CAP2: variants seen among roughly 807,000 people sequenced by gnomAD.
The protein encoded by CAP2 is cyclase associated actin cytoskeleton regulatory protein 2.
Under a neutral mutation model 57.7 loss-of-function variants are expected in CAP2, and 24 were observed. The observed-to-expected ratio is 0.42, with a 90% CI of 0.30 to 0.58. CAP2 has a LOEUF of 0.58. CAP2 is among the 20% of genes least tolerant of loss of function. CAP2 has a pLI of 0.22. For synonymous variants in CAP2, 194 were observed against 207.2 expected, an observed-to-expected ratio of 0.94 and a Z score of 0.55; for missense variants, 501 against 590.3, an observed-to-expected ratio of 0.85 and a Z score of 1.57.
intron 3 of CAP2, among the ~76,000 whole-genome samples, chr6:17,447,987 G>A (rs1463201197): frequency 6.6e-6 from 1 of 152,176 alleles, no homozygotes; most frequent in Non-Finnish European, 1.5e-5. Flanking sequence ...TTATTAAGCA[G>A]TAATTACTGA....
At chr6:17,473,951 A>T (rs2113612511) in intron 4 of CAP2, among the ~76,000 whole-genome samples, 1 of 152,344 alleles carries the variant, frequency 6.6e-6, no homozygotes, top group East Asian at 1.9e-4. Context: ...AATAAATTTT[A>T]TATAATTGTC....
At chr6:17,495,262 G>A (rs776506367) in intron 4 of CAP2, among the ~76,000 whole-genome samples, 1 of 152,138 alleles carries the variant, frequency 6.6e-6, no homozygotes, top group Non-Finnish European at 1.5e-5. Context: ...CCCAGCACCT[G>A]GACCAGCTCT....
intron 4 of CAP2, among the ~76,000 whole-genome samples, chr6:17,467,612 C>G (rs1353500988): frequency 6.6e-6 from 1 of 152,140 alleles, no homozygotes; most frequent in East Asian, 1.9e-4. Flanking sequence ...CAACTTCAGC[C>G]TCCTAGCTTC....
chr6:17,401,479 A>C (rs1322534671), intron 1 of CAP2, among the ~76,000 whole-genome samples: 5 of 152,244 alleles, frequency 3.3e-5, no homozygotes, highest in African/African-American at 1.2e-4. Flanking sequence ...TCAATATGAT[A>C]TAAGTGTGAT....
intron 3 of CAP2, among the ~76,000 whole-genome samples, chr6:17,444,804 C>CACACA (rs1760206563): frequency 2.2e-3 from 309 of 140,520 alleles, no homozygotes; most frequent in African/African-American, 3.8e-3. Flanking sequence ...TTCTCTCTCT[C>CACACA]CACACACACA....
At chr6:17,536,336 T>C in intron 7 of CAP2, 1 of 456,384 alleles carries the variant, frequency 2.2e-6, no homozygotes, top group Middle Eastern at 3.3e-4. Context: ...TCGAGTCCAC[T>C]GTACGGTAAA....
chr6:17,451,135 G>A (rs1581529793), intron 3 of CAP2, among the ~76,000 whole-genome samples: 2 of 152,028 alleles, frequency 1.3e-5, no homozygotes, highest in East Asian at 3.9e-4. Context: ...TTGTCTTGAG[G>A]AGCCCGAGAA....
At chr6:17,553,685 C>T (rs745941230) in intron 12 of CAP2, among the ~76,000 whole-genome samples, 6 of 151,226 alleles carry the variant, frequency 4.0e-5, no homozygotes, top group Admixed American at 2.6e-4. Context: ...TACCTTGTGG[C>T]CCTCTTCACA....
At chr6:17,490,126 A>AAT (rs1458060133) in intron 4 of CAP2, among the ~76,000 whole-genome samples, 1 of 152,170 alleles carries the variant, frequency 6.6e-6, no homozygotes, top group East Asian at 1.9e-4. Flanking sequence ...TAGTAATTTT[A>AAT]ATATATATCC....
chr6:17,526,727 G>A (rs1178232804), intron 7 of CAP2, among the ~76,000 whole-genome samples: 1 of 152,004 alleles, frequency 6.6e-6, no homozygotes, highest in Non-Finnish European at 1.5e-5. Flanking sequence ...GGAGGCTGAG[G>A]CAGGCAGATC....
chr6:17,539,533 C>A, intron 8 of CAP2, 75 bp downstream of exon 8: 1 of 1,127,686 alleles, frequency 8.9e-7, no homozygotes, highest in Non-Finnish European at 1.3e-6. Flanking sequence ...CCGCTGGAGC[C>A]CCAGTGATGG....
chr6:17,492,129 T>C (rs949650976), intron 4 of CAP2, among the ~76,000 whole-genome samples: 10 of 152,254 alleles, frequency 6.6e-5, no homozygotes, highest in Non-Finnish European at 1.5e-4. Context: ...AGTACCCATG[T>C]GCGATGCTGG....
intron 1 of CAP2, among the ~76,000 whole-genome samples, chr6:17,418,918 G>A (rs533714495): frequency 3.9e-5 from 6 of 152,080 alleles, no homozygotes; most frequent in Admixed American, 6.5e-5. Context: ...AAGCTCTGAC[G>A]TGAAGAGGAA....
chr6:17,529,197 C>T (rs1417878072), intron 7 of CAP2, among the ~76,000 whole-genome samples: 1 of 152,098 alleles, frequency 6.6e-6, no homozygotes, highest in African/African-American at 2.4e-5. Context: ...CTATAGTTGT[C>T]TTCTAATAAA....
chr6:17,443,692 A>G (rs1355947393), intron 3 of CAP2, among the ~76,000 whole-genome samples: 1 of 152,166 alleles, frequency 6.6e-6, no homozygotes, highest in Non-Finnish European at 1.5e-5. Context: ...GTATGGGCAC[A>G]CTGGCTGAAG....
chr6:17,439,000 A>G (rs1759990330), intron 3 of CAP2, among the ~76,000 whole-genome samples: 1 of 150,634 alleles, frequency 6.6e-6, no homozygotes, highest in Non-Finnish European at 1.5e-5. Context: ...AATCCCAGCT[A>G]CTTGGGAGGC....
chr6:17,495,598 A>G (rs1276937744), intron 4 of CAP2, among the ~76,000 whole-genome samples: 1 of 152,134 alleles, frequency 6.6e-6, no homozygotes, highest in Non-Finnish European at 1.5e-5. Context: ...CTTGGAGTCC[A>G]TGGGATTTAT....
intron 1 of CAP2, among the ~76,000 whole-genome samples, chr6:17,408,660 C>CTTTTTT (rs35571407): frequency 8.3e-6 from 1 of 120,454 alleles, no homozygotes; most frequent in African/African-American, 3.4e-5. Flanking sequence ...TGATAGCCTC[C>CTTTTTT]TTTTTTTTTT....
At position 17,426,543 on chromosome 6, in the gene CAP2, G is replaced by C. The variant is rs774269684; in HGVS notation, c.122-47G>C. 6 of 1,435,162 alleles carry C rather than the reference G, an allele frequency of 4.2e-6. No homozygotes were observed. The East Asian group carries it at 1.4e-4, about 33-fold the overall frequency. 88.9% of individuals were successfully genotyped at this position (1,435,162 alleles called of 1,614,324 possible). ...AGCCACCGTGCCCGGCTAGTCCCAGGTTTTCATTCAACGGCCAGGGAATAA... is the reference window on the plus strand; with the variant it reads ...AGCCACCGTGCCCGGCTAGTCCCAGCTTTTCATTCAACGGCCAGGGAATAA... On this transcript the variant is annotated intron_variant, in intron 2 of 12. Coordinates refer to ENST00000229922, the MANE Select transcript of CAP2 (RefSeq NM_006366.3).
Sources: gnomAD v4.1 joint callset for allele counts (sites outside exome capture counted in the v4.1 genomes callset) on GRCh38, gnomAD v4.1.1 for gene constraint, MANE v1.5 for transcripts, NCBI Gene and HGNC (gene_info 2026-07-23, HGNC 2026-07-21) for gene names.